CD96: variants seen among roughly 807,000 people sequenced by gnomAD.
CD96 encodes T-cell surface protein tactile.
In CD96, 70 loss-of-function variants were observed where a neutral mutation model predicts 71.3. That is an observed-to-expected ratio of 0.98 (90% confidence interval 0.81 to 1.20). The LOEUF is 1.20. Among genes scored for constraint, CD96 ranks in the 50% most tolerant of loss-of-function variants. The pLI is 0.00. For synonymous variants in CD96, 248 were observed against 233.0 expected (o/e 1.06, Z -0.59); for missense variants, 742 against 677.5 (o/e 1.10, Z -1.06).
intron 12 of CD96, among the ~76,000 whole-genome samples, chr3:111,645,502 A>G (rs998724251): frequency 2.0e-5 from 3 of 152,086 alleles, no homozygotes; most frequent in African/African-American, 7.2e-5. Flanking sequence ...CACTACCTGT[A>G]CCCCAATAAC....
chr3:111,587,943 TAA>T (rs1411482505), intron 5 of CD96, among the ~76,000 whole-genome samples: 1 of 152,166 alleles, frequency 6.6e-6, no homozygotes, highest in African/African-American at 2.4e-5. Context: ...TTTTTCCTCC[TAA>T]ACCTCTGGGC....
At chr3:111,593,417 T>C (rs561129460) in intron 5 of CD96, 12 of 1,158,314 alleles carry the variant, frequency 1.0e-5, no homozygotes, top group Non-Finnish European at 1.4e-5. Flanking sequence ...TAACTCATAC[T>C]GTGCACTATT....
rs544230749 is a variant in CD96 at position 111,603,999 on chromosome 3, T to G, written c.1088-2701T>G. On this transcript the variant is annotated intron_variant, in intron 7 of 13. Transcript: ENST00000352690. ...TCTTGCTAAAATACAAAAATTCTGATTAAGTAAATCTAGGTGGGACCTGAG... is the reference window on the plus strand; with the variant it reads ...TCTTGCTAAAATACAAAAATTCTGAGTAAGTAAATCTAGGTGGGACCTGAG... 3.3e-5 allele frequency among the ~76,000 whole-genome samples: 5 copies of G among 152,322 alleles called. No homozygotes were observed. In the East Asian group the frequency reaches 9.6e-4, roughly 29 times the overall value.
chr3:111,616,723 T>A (rs1041099025), intron 8 of CD96, among the ~76,000 whole-genome samples: 1 of 152,174 alleles, frequency 6.6e-6, no homozygotes, highest in Non-Finnish European at 1.5e-5. Context: ...CTGGACTAGC[T>A]GCTGTGGGGA....
intron 14 of CD96, among the ~76,000 whole-genome samples, chr3:111,663,516 A>G (rs1310424618): frequency 2.6e-5 from 4 of 152,220 alleles, no homozygotes; most frequent in Non-Finnish European, 4.4e-5. Context: ...AAACAAATCA[A>G]CAAGCAAAAA....
chr3:111,581,364 T>G (rs1381540272), intron 4 of CD96, among the ~76,000 whole-genome samples: 1 of 152,168 alleles, frequency 6.6e-6, no homozygotes, highest in Non-Finnish European at 1.5e-5. Flanking sequence ...AGAACCTACT[T>G]TACATCCCTT....
chr3:111,649,346 C>G (rs2107792351), intron 13 of CD96, among the ~76,000 whole-genome samples: 1 of 152,210 alleles, frequency 6.6e-6, no homozygotes, highest in South Asian at 2.1e-4. Flanking sequence ...TGATGCATTT[C>G]CTGCACACAA....
At chr3:111,641,332 C>T (rs765677648) in intron 12 of CD96, among the ~76,000 whole-genome samples, 9 of 152,104 alleles carry the variant, frequency 5.9e-5, no homozygotes, top group Non-Finnish European at 8.8e-5. Context: ...ACACCAAAAG[C>T]GAGCAGGGGT....
intron 3 of CD96, among the ~76,000 whole-genome samples, chr3:111,574,897 C>T (rs1250620265): frequency 6.6e-6 from 1 of 151,934 alleles, no homozygotes; most frequent in East Asian, 1.9e-4. Flanking sequence ...GATCCTCCCA[C>T]CTCAGCCTCC....
chr3:111,596,540 C>T (rs1019336605), intron 5 of CD96, among the ~76,000 whole-genome samples: 3 of 152,164 alleles, frequency 2.0e-5, no homozygotes, highest in African/African-American at 4.8e-5. Flanking sequence ...ATTACCATAT[C>T]GTCATCTTTG....
chr3:111,563,939 T>C (rs1320074898), intron 2 of CD96, among the ~76,000 whole-genome samples: 2 of 152,200 alleles, frequency 1.3e-5, no homozygotes, highest in East Asian at 3.8e-4. Flanking sequence ...AAAAAGACTT[T>C]ATTAAAAAAG....
In CD96 at chr3:111,592,300, A is replaced by G. The variant is rs143090861; in HGVS notation, c.808-5820A>G. 1.2e-4 allele frequency among the ~76,000 whole-genome samples: 18 copies of G among 152,326 alleles called. No individual in the cohort carries two copies. In the East Asian group the frequency reaches 3.3e-3, roughly 28 times the overall value. On this transcript the variant is annotated intron_variant, in intron 5 of 13. Transcript: ENST00000352690. ...AATTACTCTCTCCCTATAGACTGTT[A>G]GGATCTCTTTTTTCAAAGCATCTCT...
At chr3:111,627,532 G>A (rs1392390923) in intron 10 of CD96, among the ~76,000 whole-genome samples, 1 of 152,194 alleles carries the variant, frequency 6.6e-6, no homozygotes, top group Non-Finnish European at 1.5e-5. Flanking sequence ...TGCCCAGTGG[G>A]TGAGGCAGAC....
intron 1 of CD96, among the ~76,000 whole-genome samples, chr3:111,543,574 G>A (rs983134439): frequency 2.0e-5 from 3 of 152,276 alleles, no homozygotes; most frequent in South Asian, 4.1e-4. Flanking sequence ...AATAAAATAA[G>A]TAATAATAAA....
At chr3:111,574,379 A>G (rs553059122) in intron 3 of CD96, among the ~76,000 whole-genome samples, 1 of 152,324 alleles carries the variant, frequency 6.6e-6, no homozygotes, top group East Asian at 1.9e-4. Context: ...AAGATGTTCA[A>G]CTGGCATAAT....
chr3:111,554,973 C>A lies in CD96; in HGVS notation c.418+9571C>A, dbSNP rs1325043343. Among the ~76,000 whole-genome samples the A allele has an allele frequency of 2.0e-5, 3 of 151,932 alleles. No individual in the cohort carries two copies. The East Asian group carries it at 5.8e-4, about 29-fold the overall frequency. On this transcript the variant is annotated intron_variant, in intron 2 of 13. Transcript: ENST00000352690. ...CTAGATCCCTCAAATGTGTAATTCA[C>A]AATAGAGTTCGCACTCCTATGAAAA...
At chr3:111,664,822 T>A (rs1248517938) in intron 14 of CD96, among the ~76,000 whole-genome samples, 2 of 152,124 alleles carry the variant, frequency 1.3e-5, no homozygotes, top group African/African-American at 2.4e-5. Flanking sequence ...AATCCTGTAC[T>A]AGAAGGGGGG....
At position 111,600,812 on chromosome 3, in the gene CD96, C is replaced by G; in HGVS notation, c.985C>G (p.Pro329Ala). 1.7e-5 allele frequency: 28 copies of G among 1,612,886 alleles called. No individual in the cohort carries two copies. The highest frequency in any genetic ancestry group is 2.4e-5 in the Non-Finnish European group (28 of 1,178,908). The change falls in exon 7 of 14, where the codon CCA (proline) becomes GCA (alanine). Residue 329 changes from proline (P) to alanine (A), a missense_variant. By Grantham distance (27) the Pro-to-Ala change is conservative. Coordinates refer to ENST00000352690, the MANE Select transcript of CD96 (RefSeq NM_005816.5). ...TTTAACAAGGGTACATAGTAATAAA[C>G]CAGCCCAATCAGACAACTTGACCAT... ...SVLTRVHSNK[P>A]AQSDNLTIWC... is the part of the protein sequence containing the mutation.
intron 3 of CD96, among the ~76,000 whole-genome samples, chr3:111,576,546 T>C (rs1936229663): frequency 6.6e-6 from 1 of 152,204 alleles, no homozygotes; most frequent in African/African-American, 2.4e-5. Flanking sequence ...TTCTTATTAG[T>C]ACAAATTGTA....
Sources: gnomAD v4.1 joint callset for allele counts (sites outside exome capture counted in the v4.1 genomes callset) on GRCh38, gnomAD v4.1.1 for gene constraint, MANE v1.5 for transcripts, NCBI Gene and HGNC (gene_info 2026-07-23, HGNC 2026-07-21) for gene names.